Variants in SUDS3 observed in about 807,000 individuals in gnomAD.
The protein encoded by SUDS3 is sin3 histone deacetylase corepressor complex component SDS3.
In SUDS3, 23 loss-of-function variants were observed where a neutral mutation model predicts 53.5. That is an observed-to-expected ratio of 0.43 (90% CI 0.31 to 0.61). The LOEUF (loss-of-function observed/expected upper bound fraction) is 0.61. Among genes scored for constraint, SUDS3 ranks in the 20% least tolerant of loss-of-function variants. The pLI, the probability that SUDS3 is intolerant of heterozygous loss-of-function variation, is 0.10. For missense variants in SUDS3, 291 were observed against 405.9 expected (o/e 0.72, Z 2.43); for synonymous variants, 150 against 148.5 (o/e 1.01, Z -0.08).
intron 2 of SUDS3, among the ~76,000 whole-genome samples, chr12:118,380,853 C>T (rs534041932): frequency 1.1e-4 from 16 of 152,124 alleles, no homozygotes; most frequent in African/African-American, 3.9e-4. Context: ...TACAGGTGCA[C>T]GCCACCACGC....
intron 6 of SUDS3, among the ~76,000 whole-genome samples, chr12:118,398,778 A>C (rs2046238638): frequency 6.6e-6 from 1 of 151,982 alleles, no homozygotes; most frequent in Non-Finnish European, 1.5e-5. Flanking sequence ...GACCTCATCT[A>C]CCCGTTCTGC....
At chr12:118,401,678 C>A (rs942063157) in intron 7 of SUDS3, 81 bp from the exon 8 acceptor site, 5 of 1,178,998 alleles carry the variant, frequency 4.2e-6, no homozygotes, top group Non-Finnish European at 6.2e-6. Flanking sequence ...TTTGTAAATT[C>A]TAAAATACTG....
In SUDS3 at chr12:118,400,652, G is replaced by C. The variant is rs779596293; in HGVS notation, c.518-7G>C. On this transcript the variant is annotated splice_polypyrimidine_tract_variant and splice_region_variant and intron_variant, in intron 6 of 11. Transcript: ENST00000543473. ...GGATAGATTTACCCATTCCATTCTT[G>C]CCACAGATTCTATGGAGGTGAAACC... The C allele has an allele frequency of 6.2e-7, 1 of 1,613,512 alleles. No individual in the cohort carries two copies. The highest frequency in any genetic ancestry group is 1.3e-5 in the African/African-American group (1 of 74,888).
intron 3 of SUDS3, among the ~76,000 whole-genome samples, chr12:118,385,885 C>G (rs982053830): frequency 1.3e-5 from 2 of 152,142 alleles, no homozygotes; most frequent in Non-Finnish European, 2.9e-5. Flanking sequence ...TCCACTCCCC[C>G]TCACTCACTA....
At chr12:118,412,304 A>T (rs2046366239) in intron 11 of SUDS3, among the ~76,000 whole-genome samples, 1 of 152,244 alleles carries the variant, frequency 6.6e-6, no homozygotes, top group South Asian at 2.1e-4. Context: ...GTCTGCAAAG[A>T]AATTGATTTC....
At chr12:118,405,713 A>T (rs181554500) in intron 10 of SUDS3, among the ~76,000 whole-genome samples, 3 of 152,158 alleles carry the variant, frequency 2.0e-5, no homozygotes, top group African/African-American at 2.4e-5. Flanking sequence ...CTCTTCCCCA[A>T]TGACAATTGA....
chr12:118,392,688 G>T (rs2046178238), intron 6 of SUDS3, among the ~76,000 whole-genome samples: 1 of 152,164 alleles, frequency 6.6e-6, no homozygotes, highest in African/African-American at 2.4e-5. Flanking sequence ...CATTTTCTCT[G>T]ACAGTGGCTG....
chr12:118,406,908 T>A (rs553272459), intron 10 of SUDS3, among the ~76,000 whole-genome samples: 7 of 149,410 alleles, frequency 4.7e-5, no homozygotes, highest in Admixed American at 3.3e-4. Context: ...CTTCATTTTT[T>A]ATTTTTTTGA....
Position 118,401,766 on chromosome 12 carries a change from A to G in SUDS3, c.621A>G (p.Leu207=). Residue 207 remains leucine, a synonymous_variant, in exon 8 of 12, where the codon CTA becomes CTG. Transcript: ENST00000543473. ...TCCTTTAACTCTCAACACCCCAGCT[A>G]AACTATTTGTTAACAGATGAACAGA... ...DKRRKPAPAQ[L]NYLLTDEQIM... The G allele has an allele frequency of 6.2e-7, 1 of 1,613,698 alleles. No homozygotes were observed. The highest frequency in any genetic ancestry group is 1.7e-5 in the Admixed American group (1 of 60,018).
Position 118,403,425 on chromosome 12 carries a change from T to C in SUDS3, c.711T>C (p.Ser237=). 1 of 1,613,492 alleles carries C rather than the reference T, an allele frequency of 6.2e-7. No individual in the cohort carries two copies. The highest frequency in any genetic ancestry group is 8.5e-7 in the Non-Finnish European group (1 of 1,179,714). Residue 237 remains serine, a synonymous_variant, in exon 10 of 12, where the codon TCT becomes TCC. Transcript: ENST00000543473. ...KSPKRPASPS[S]PEHLPATPAE... is the part of the protein sequence containing the mutation. The stretch of plus-strand genomic sequence containing the variant: ...GGTTTCCTCCAGCATCTCCATCCTC[T>C]CCTGAGCACTTGCCTGCAACACCCG...
At chr12:118,393,967 C>T (rs915221375) in intron 6 of SUDS3, among the ~76,000 whole-genome samples, 3 of 151,486 alleles carry the variant, frequency 2.0e-5, no homozygotes, top group African/African-American at 7.3e-5. Flanking sequence ...CACCGTGCCC[C>T]GGCTGAGATC....
At chr12:118,412,931 G>T (rs2046371385) in intron 11 of SUDS3, among the ~76,000 whole-genome samples, 1 of 152,152 alleles carries the variant, frequency 6.6e-6, no homozygotes, top group Non-Finnish European at 1.5e-5. Context: ...AAGTGTTCCA[G>T]CTCATTTTTC....
In SUDS3 at chr12:118,384,078, G is replaced by A. The variant is rs772135456; in HGVS notation, c.268+11G>A. 3 of 1,613,198 alleles carry A rather than the reference G, an allele frequency of 1.9e-6. No individual in the cohort carries two copies. The highest frequency in any genetic ancestry group is 2.5e-6 in the Non-Finnish European group (3 of 1,179,414). ...AACAACTGCAAGAAGGTTGGTGTGT[G>A]ATTGAATCCTGCATTTCTAAATATG... On this transcript the variant is annotated intron_variant, in intron 3 of 11. Transcript: ENST00000543473.
intron 4 of SUDS3, among the ~76,000 whole-genome samples, chr12:118,388,636 T>C (rs2046135974): frequency 6.6e-6 from 1 of 152,102 alleles, no homozygotes; most frequent in Non-Finnish European, 1.5e-5. Context: ...AAGGGCATGA[T>C]GTGTGAAGAG....
At chr12:118,411,945 C>T (rs1421965975) in intron 11 of SUDS3, among the ~76,000 whole-genome samples, 1 of 152,192 alleles carries the variant, frequency 6.6e-6, no homozygotes, top group African/African-American at 2.4e-5. Context: ...AGGCACCTGG[C>T]ACAGGGTCTA....
At chr12:118,405,402 GT>G (rs35874763) in intron 10 of SUDS3, among the ~76,000 whole-genome samples, 2 of 151,970 alleles carry the variant, frequency 1.3e-5, no homozygotes, top group South Asian at 4.2e-4. Context: ...TAAAATTCTT[GT>G]TTTTTTAAAG....
At chr12:118,389,582 G>C (rs1457447746) in intron 4 of SUDS3, among the ~76,000 whole-genome samples, 1 of 150,900 alleles carries the variant, frequency 6.6e-6, no homozygotes, top group Admixed American at 6.6e-5. Flanking sequence ...CACAATCTCA[G>C]CTTACTGCAA....
At chr12:118,379,813 AG>A (rs2046038506) in intron 1 of SUDS3, among the ~76,000 whole-genome samples, 1 of 152,204 alleles carries the variant, frequency 6.6e-6, no homozygotes, top group African/African-American at 2.4e-5. Context: ...TTTCAGGTAA[AG>A]GCAAGCTTTT....
chr12:118,381,503 C>T (rs1471187903), intron 2 of SUDS3, among the ~76,000 whole-genome samples: 1 of 152,152 alleles, frequency 6.6e-6, no homozygotes, highest in Non-Finnish European at 1.5e-5. Flanking sequence ...CTGCCTCAGC[C>T]TCCCGAGTAG....
Sources: gnomAD v4.1 joint callset for allele counts (sites outside exome capture counted in the v4.1 genomes callset) on GRCh38, gnomAD v4.1.1 for gene constraint, MANE v1.5 for transcripts, NCBI Gene and HGNC (gene_info 2026-07-23, HGNC 2026-07-21) for gene names.